ZBTB16: variants seen among roughly 807,000 people sequenced by gnomAD.
ZBTB16 encodes zinc finger and BTB domain-containing protein 16.
A neutral mutation model predicts 56.8 loss-of-function variants in ZBTB16; 8 were observed. That is an observed-to-expected ratio of 0.14 (90% CI 0.08 to 0.25). The LOEUF (loss-of-function observed/expected upper bound fraction) is 0.25. Among genes scored for constraint, ZBTB16 ranks in the 10% least tolerant of loss-of-function variants. ZBTB16 has a pLI of 1.00. For missense variants in ZBTB16, 625 were observed against 903.0 expected (o/e 0.69, Z 3.95); for synonymous variants, 363 against 368.5 (o/e 0.98, Z 0.17).
At chr11:114,184,915 G>A (rs1348431509) in intron 3 of ZBTB16, among the ~76,000 whole-genome samples, 1 of 152,036 alleles carries the variant, frequency 6.6e-6, no homozygotes, top group African/African-American at 2.4e-5. Flanking sequence ...CTCACACCTG[G>A]AATCCCCCAG....
intron 4 of ZBTB16, among the ~76,000 whole-genome samples, chr11:114,205,862 G>T (rs376822159): frequency 6.6e-6 from 1 of 152,252 alleles, no homozygotes; most frequent in African/African-American, 2.4e-5. Context: ...CACTCTGACT[G>T]CTCTCCTCTG....
intron 2 of ZBTB16, among the ~76,000 whole-genome samples, chr11:114,080,333 T>C (rs985412964): frequency 4.6e-5 from 7 of 152,126 alleles, no homozygotes; most frequent in African/African-American, 1.7e-4. Context: ...CACTCGCCCA[T>C]CCACTGAGCC....
intron 2 of ZBTB16, among the ~76,000 whole-genome samples, chr11:114,109,974 A>C (rs1322419825): frequency 6.6e-6 from 1 of 152,204 alleles, no homozygotes; most frequent in African/African-American, 2.4e-5. Context: ...GACTTCTGGA[A>C]GGAGCCCACA....
intron 3 of ZBTB16, among the ~76,000 whole-genome samples, chr11:114,183,196 G>A (rs1361328307): frequency 3.3e-5 from 5 of 152,156 alleles, no homozygotes; most frequent in East Asian, 1.9e-4. Context: ...TGTTATCCAC[G>A]TGTAAGGAGG....
intron 4 of ZBTB16, among the ~76,000 whole-genome samples, chr11:114,190,246 T>G (rs563893428): frequency 6.1e-4 from 93 of 152,354 alleles, no homozygotes; most frequent in African/African-American, 2.1e-3. Context: ...TGGTGATGAC[T>G]GCACAGCTTC....
chr11:114,148,439 C>CTT (rs1373922472), intron 2 of ZBTB16, among the ~76,000 whole-genome samples: 3 of 86,758 alleles, frequency 3.5e-5, no homozygotes, highest in Admixed American at 1.3e-4. Context: ...CTCTCTCTTT[C>CTT]TCTCTCTCTG....
chr11:114,067,038 G>A (rs1305950725), intron 2 of ZBTB16, among the ~76,000 whole-genome samples: 2 of 152,092 alleles, frequency 1.3e-5, no homozygotes, highest in East Asian at 1.9e-4. Context: ...CCAAAGTGCT[G>A]GGATTACAGC....
intron 2 of ZBTB16, among the ~76,000 whole-genome samples, chr11:114,151,909 T>A (rs1252911326): frequency 6.6e-6 from 1 of 152,214 alleles, no homozygotes; most frequent in Non-Finnish European, 1.5e-5. Flanking sequence ...GGAGTATGGC[T>A]TGGGTCTCTC....
chr11:114,176,905 C>T (rs187964558), intron 3 of ZBTB16, among the ~76,000 whole-genome samples: 5 of 152,254 alleles, frequency 3.3e-5, no homozygotes, highest in South Asian at 2.1e-4. Flanking sequence ...GGTCCTGTCT[C>T]CCATTCCAGA....
At chr11:114,123,092 C>T (rs958757105) in intron 2 of ZBTB16, among the ~76,000 whole-genome samples, 8 of 152,008 alleles carry the variant, frequency 5.3e-5, no homozygotes, top group Non-Finnish European at 1.2e-4. Context: ...GGTGTCTCTT[C>T]TTACAAGGAC....
intron 2 of ZBTB16, among the ~76,000 whole-genome samples, chr11:114,148,461 C>T (rs796818318): frequency 0.32 from 15,055 of 46,750 alleles, 4,588 homozygotes; most frequent in Middle Eastern, 0.55. Context: ...CTGTCTGTCT[C>T]TCTCTCTCTC....
chr11:114,095,773 G>A (rs748420520), intron 2 of ZBTB16, among the ~76,000 whole-genome samples: 8 of 152,276 alleles, frequency 5.3e-5, no homozygotes, highest in Non-Finnish European at 7.4e-5. Context: ...CTTGGGTGCC[G>A]TGTTGACAAG....
At chr11:114,144,679 C>T (rs930674215) in intron 2 of ZBTB16, among the ~76,000 whole-genome samples, 1 of 152,166 alleles carries the variant, frequency 6.6e-6, no homozygotes, top group African/African-American at 2.4e-5. Context: ...GGGTCCCACT[C>T]CTGGAGCTTG....
At chr11:114,163,959 G>A (rs1350150735) in intron 3 of ZBTB16, among the ~76,000 whole-genome samples, 1 of 152,218 alleles carries the variant, frequency 6.6e-6, no homozygotes, top group African/African-American at 2.4e-5. Flanking sequence ...AGGCTTTAGA[G>A]CCCCCTCGTT....
chr11:114,237,720 G>GA (rs1944621113), intron 4 of ZBTB16, among the ~76,000 whole-genome samples: 2 of 152,242 alleles, frequency 1.3e-5, no homozygotes, highest in Admixed American at 6.5e-5. Context: ...CAGCTAGGCT[G>GA]AAACGCCAGC....
chr11:114,144,633 G>A (rs10450622), intron 2 of ZBTB16, among the ~76,000 whole-genome samples: 2,713 of 152,322 alleles, frequency 0.018, 76 homozygotes, highest in African/African-American at 0.061. Context: ...AGAGGCTCTC[G>A]CCCTTGGCTG....
chr11:114,162,143 CA>C (rs1302920334), intron 3 of ZBTB16, among the ~76,000 whole-genome samples: 2 of 152,234 alleles, frequency 1.3e-5, no homozygotes, highest in Non-Finnish European at 2.9e-5. Flanking sequence ...TGGGGCTTAT[CA>C]CCTGGGACCT....
At chr11:114,153,312 A>C (rs1405521155) in intron 2 of ZBTB16, among the ~76,000 whole-genome samples, 2 of 152,232 alleles carry the variant, frequency 1.3e-5, no homozygotes, top group African/African-American at 4.8e-5. Flanking sequence ...TGCTTTGCCC[A>C]GGTCTCTCTG....
chr11:114,206,063 A>C (rs1028546467), intron 4 of ZBTB16, among the ~76,000 whole-genome samples: 2 of 152,136 alleles, frequency 1.3e-5, no homozygotes, highest in Non-Finnish European at 2.9e-5. Context: ...AAGCTCCTGG[A>C]TGTCAAGAGG....
Sources: allele counts gnomAD v4.1 joint callset (sites outside exome capture counted in the v4.1 genomes callset), GRCh38; gene constraint gnomAD v4.1.1; transcripts MANE v1.5; gene names NCBI Gene and HGNC (gene_info 2026-07-23, HGNC 2026-07-21).